Variants in FER1L6 observed in about 807,000 individuals in gnomAD.
FER1L6 encodes the protein fer-1-like protein 6.
A neutral mutation model predicts 219.2 loss-of-function variants in FER1L6; 177 were observed. That is an observed-to-expected ratio of 0.81 (90% confidence interval 0.71 to 0.91). The LOEUF is 0.91. Ranked by LOEUF, FER1L6 falls within the 40% of genes least tolerant of loss-of-function variation. The probability of loss-of-function intolerance (pLI) is 0.00; values close to 1 mark genes in which losing one functional copy is unlikely to be tolerated. For missense variants in FER1L6, 2,153 were observed against 2,259.9 expected, an observed-to-expected ratio of 0.95 and a Z score of 0.96; for synonymous variants, 768 against 824.3, an observed-to-expected ratio of 0.93 and a Z score of 1.17.
chr8:124,008,704 G>A (rs1323133196), intron 13 of FER1L6, among the ~76,000 whole-genome samples: 2 of 152,168 alleles, frequency 1.3e-5, no homozygotes, highest in African/African-American at 4.8e-5. Flanking sequence ...AACCCACAGA[G>A]TGGGAGAAAA....
At chr8:124,023,879 TTAA>T (rs1205555607) in intron 18 of FER1L6, among the ~76,000 whole-genome samples, 3 of 147,454 alleles carry the variant, frequency 2.0e-5, no homozygotes, top group Admixed American at 2.0e-4. Context: ...ATTACTAGTA[TTAA>T]TAACAATGAA....
chr8:123,925,475 A>T (rs543709955), intron 1 of FER1L6, among the ~76,000 whole-genome samples: 2 of 152,332 alleles, frequency 1.3e-5, no homozygotes, highest in East Asian at 3.9e-4. Flanking sequence ...TATCAGCTAT[A>T]AGGCACCAGG....
intron 22 of FER1L6, among the ~76,000 whole-genome samples, chr8:124,056,664 C>A (rs1341504611): frequency 6.6e-6 from 1 of 152,188 alleles, no homozygotes; most frequent in Non-Finnish European, 1.5e-5. Flanking sequence ...TATTGACCTG[C>A]TAATGAAGAC....
At chr8:124,101,006 AC>A in intron 37 of FER1L6, 90 bp from the exon 38 acceptor site, 1 of 1,193,082 alleles carries the variant, frequency 8.4e-7, no homozygotes, top group South Asian at 1.4e-5. Flanking sequence ...ATGCTCTGTG[AC>A]CACATTGAAA....
intron 33 of FER1L6, among the ~76,000 whole-genome samples, chr8:124,089,678 C>T (rs1161157366): frequency 6.6e-6 from 1 of 152,124 alleles, no homozygotes; most frequent in Non-Finnish European, 1.5e-5. Context: ...AAATATGACA[C>T]ACTCATTGAA....
Position 123,975,973 on chromosome 8 carries a change from A to G in FER1L6, c.759A>G (p.Glu253=). ...ARFYVRLYKA[E]GLPKMNSSIM... The stretch of plus-strand genomic sequence containing the variant: ...TCTATGTGAGACTCTACAAAGCAGA[A>G]GGGTTGCCCAAAATGAATTCAAGCA... Residue 253 remains glutamate (E), a synonymous_variant, in exon 9 of 41, where the codon GAA becomes GAG. Transcript: ENST00000522917. 14 of 1,614,100 alleles carry G rather than the reference A, an allele frequency of 8.7e-6. No homozygotes were observed. Among genetic ancestry groups the G allele is most frequent in the Non-Finnish European group, 1.2e-5 (14 of 1,179,966 alleles).
intron 1 of FER1L6, among the ~76,000 whole-genome samples, chr8:123,907,710 T>G (rs978513580): frequency 2.7e-5 from 4 of 147,948 alleles, no homozygotes; most frequent in African/African-American, 9.9e-5. Flanking sequence ...ATGAGAGGCC[T>G]TCAGGGAAGC....
Position 124,097,314 on chromosome 8 carries a change from C to T in FER1L6, c.4739C>T (p.Pro1580Leu), listed in dbSNP as rs752608381. Residue 1580 changes from proline to leucine, a missense_variant, in exon 36 of 41, where the codon CCT becomes CTT. Coordinates refer to ENST00000522917, the MANE Select transcript of FER1L6 (RefSeq NM_001039112.2). ...MWVDMFPKDM[P>L]QPGPPVDISP... ...GTGGACATGTTTCCCAAGGATATGCCTCAACCTGGACCTCCTGTTGACATC... is the reference window on the plus strand; with the variant it reads ...GTGGACATGTTTCCCAAGGATATGCTTCAACCTGGACCTCCTGTTGACATC... 2 of 1,613,392 alleles carry T rather than the reference C, an allele frequency of 1.2e-6. No individual in the cohort carries two copies. Among genetic ancestry groups the T allele is most frequent in the African/African-American group, 2.7e-5 (2 of 74,842 alleles).
chr8:124,041,439 C>T (rs570249425), intron 20 of FER1L6, among the ~76,000 whole-genome samples: 23 of 152,320 alleles, frequency 1.5e-4, no homozygotes, highest in Non-Finnish European at 2.8e-4. Context: ...ACACTGACAG[C>T]GTGATGTGAA....
At chr8:123,988,355 A>G (rs916892778) in intron 12 of FER1L6, among the ~76,000 whole-genome samples, 1 of 152,116 alleles carries the variant, frequency 6.6e-6, no homozygotes, top group Admixed American at 6.5e-5. Context: ...TTCTATTTCT[A>G]TGAAGAATGT....
intron 34 of FER1L6, among the ~76,000 whole-genome samples, chr8:124,092,199 TCTC>T (rs1822065793): frequency 6.6e-6 from 1 of 152,210 alleles, no homozygotes; most frequent in Admixed American, 6.5e-5. Context: ...TTATAATGAT[TCTC>T]CTTTGTTCTT....
intron 18 of FER1L6, among the ~76,000 whole-genome samples, chr8:124,031,494 A>G (rs1358764020): frequency 6.6e-6 from 1 of 152,196 alleles, no homozygotes; most frequent in Non-Finnish European, 1.5e-5. Context: ...TGTGGAGTAG[A>G]ACCCTCTCTG....
chr8:124,027,621 A>G (rs936635246), intron 18 of FER1L6, among the ~76,000 whole-genome samples: 3 of 152,202 alleles, frequency 2.0e-5, no homozygotes, highest in African/African-American at 7.2e-5. Flanking sequence ...GTGCAGTGAT[A>G]AAATCACAGC....
At chr8:123,932,645 G>C (rs551437460) in intron 1 of FER1L6, among the ~76,000 whole-genome samples, 1 of 152,274 alleles carries the variant, frequency 6.6e-6, no homozygotes, top group East Asian at 1.9e-4. Context: ...CTGGGCAAAA[G>C]AAGAACTAGT....
At chr8:123,872,243 C>G (rs1182233018) in intron 1 of FER1L6, among the ~76,000 whole-genome samples, 1 of 152,160 alleles carries the variant, frequency 6.6e-6, no homozygotes, top group Non-Finnish European at 1.5e-5. Flanking sequence ...CCACCAGGCC[C>G]CACCTCAACA....
At chr8:124,096,064 G>A (rs1466742620) in intron 35 of FER1L6, among the ~76,000 whole-genome samples, 1 of 152,200 alleles carries the variant, frequency 6.6e-6, no homozygotes, top group Non-Finnish European at 1.5e-5. Context: ...CACTTACCCT[G>A]CTATCCCAGA....
intron 1 of FER1L6, among the ~76,000 whole-genome samples, chr8:123,857,370 C>T (rs1333922176): frequency 1.3e-5 from 2 of 152,030 alleles, no homozygotes; most frequent in Admixed American, 1.3e-4. Context: ...ATTAGCCAGA[C>T]ATTGTGGCAT....
At chr8:124,079,749 T>C (rs1049001039) in intron 32 of FER1L6, among the ~76,000 whole-genome samples, 3 of 152,126 alleles carry the variant, frequency 2.0e-5, no homozygotes, top group African/African-American at 7.2e-5. Flanking sequence ...ATGAATGCTA[T>C]AAGGGAGAGG....
At chr8:124,031,950 CAT>C (rs1195785740) in intron 18 of FER1L6, among the ~76,000 whole-genome samples, 7 of 152,198 alleles carry the variant, frequency 4.6e-5, no homozygotes, top group Non-Finnish European at 8.8e-5. Flanking sequence ...TTCCAATTTG[CAT>C]ATATTTTTTT....
Sources: gnomAD v4.1 joint callset for allele counts (sites outside exome capture counted in the v4.1 genomes callset) on GRCh38, gnomAD v4.1.1 for gene constraint, MANE v1.5 for transcripts, NCBI Gene and HGNC (gene_info 2026-07-23, HGNC 2026-07-21) for gene names.